HADHA: variants seen among roughly 807,000 people sequenced by gnomAD.
HADHA encodes the protein hydroxyacyl-CoA dehydrogenase trifunctional multienzyme complex subunit alpha.
A neutral mutation model predicts 91.3 loss-of-function variants in HADHA; 59 were observed. The observed-to-expected ratio is 0.65, with a 90% confidence interval of 0.52 to 0.80. The LOEUF (loss-of-function observed/expected upper bound fraction) is 0.80, where lower values mean the gene tolerates loss of function less well. Ranked by LOEUF, HADHA falls within the 30% of genes least tolerant of loss-of-function variation. HADHA has a pLI of 0.00. For synonymous variants in HADHA, 320 were observed against 338.9 expected, an observed-to-expected ratio of 0.94 and a Z score of 0.61; for missense variants, 800 against 927.6, an observed-to-expected ratio of 0.86 and a Z score of 1.79.
intron 1 of HADHA, among the ~76,000 whole-genome samples, chr2:26,242,946 T>G (rs1426316996): frequency 6.6e-6 from 1 of 152,046 alleles, no homozygotes; most frequent in Non-Finnish European, 1.5e-5. Flanking sequence ...AGAGACGGGG[T>G]TTCACCGTGT....
intron 12 of HADHA, among the ~76,000 whole-genome samples, chr2:26,202,557 A>G (rs898476100): frequency 6.6e-6 from 1 of 152,206 alleles, no homozygotes; most frequent in Admixed American, 6.5e-5. Flanking sequence ...CCTAACCAAC[A>G]TGGTGAAATC....
In HADHA at chr2:26,191,592, T is replaced by C. The variant is rs1231960929; in HGVS notation, c.2037A>G (p.Thr679=). The change falls in exon 19 of 20, where the codon ACA becomes ACG. Residue 679 remains threonine (T), a synonymous_variant. Transcript: ENST00000380649. ...ACATGACTGCCTCATTCACAAATCTTGTCACCAGGCGGAACTGGATGTCTT... is the reference window on the plus strand; with the variant it reads ...ACATGACTGCCTCATTCACAAATCTCGTCACCAGGCGGAACTGGATGTCTT... The part of the protein sequence containing the change: ...SDEDIQFRLV[T]RFVNEAVMCL... The C allele has an allele frequency of 1.9e-6, 3 of 1,613,990 alleles. No homozygotes were observed. The highest frequency in any genetic ancestry group is 2.5e-6 in the Non-Finnish European group (3 of 1,179,988).
chr2:26,197,133 G>A (rs1202981589), intron 14 of HADHA, among the ~76,000 whole-genome samples: 4 of 152,206 alleles, frequency 2.6e-5, no homozygotes, highest in African/African-American at 9.6e-5. Flanking sequence ...AGAGAAGTGA[G>A]TTGTTTTACT....
intron 17 of HADHA, among the ~76,000 whole-genome samples, chr2:26,193,292 TC>T (rs1465936166): frequency 1.1e-5 from 1 of 93,716 alleles, no homozygotes; most frequent in Non-Finnish European, 2.1e-5. Context: ...TCACATGACA[TC>T]TTTTTTTTTT....
intron 11 of HADHA, among the ~76,000 whole-genome samples, chr2:26,204,951 T>C (rs1669937606): frequency 1.3e-5 from 2 of 152,206 alleles, no homozygotes; most frequent in Admixed American, 6.5e-5. Flanking sequence ...GTCTCCTCCA[T>C]GGTCTCTTTG....
intron 7 of HADHA, among the ~76,000 whole-genome samples, chr2:26,223,994 G>A (rs1385598807): frequency 2.0e-5 from 3 of 152,164 alleles, no homozygotes; most frequent in Admixed American, 6.5e-5. Flanking sequence ...TGATCTGCCC[G>A]CCTTGGCCTC....
intron 14 of HADHA, among the ~76,000 whole-genome samples, 154 bp downstream of exon 14, chr2:26,197,537 T>C (rs940304771): frequency 6.6e-6 from 1 of 152,226 alleles, no homozygotes; most frequent in African/African-American, 2.4e-5. Context: ...CATCTCACAC[T>C]AGTCATGGTA....
Position 26,215,073 on chromosome 2 carries a change from C to A in HADHA, c.779G>T (p.Arg260Ile). The A allele has an allele frequency of 1.2e-6, 2 of 1,610,732 alleles. No individual in the cohort carries two copies. The highest frequency in any genetic ancestry group is 2.2e-5 in the South Asian group (2 of 91,004). Residue 260 changes from arginine to isoleucine, a missense_variant, in exon 8 of 20, where the codon AGA becomes ATA. By Grantham distance (97) the Arg-to-Ile change is moderately conservative. Coordinates refer to ENST00000380649, the MANE Select transcript of HADHA (RefSeq NM_000182.5). ...GLADKKISPK[R>I]DKGLVEKLTA... ...CTCACTTTCCACCAATCCCTTGTCT[C>A]TCTTTGGAGAGATCTTCTTATCAGC...
intron 7 of HADHA, among the ~76,000 whole-genome samples, chr2:26,222,847 C>T (rs1670404975): frequency 6.6e-6 from 1 of 152,162 alleles, no homozygotes; most frequent in Non-Finnish European, 1.5e-5. Flanking sequence ...GGATGGACTA[C>T]TGAAGACTCC....
intron 7 of HADHA, among the ~76,000 whole-genome samples, chr2:26,228,671 T>C (rs912636867): frequency 2.6e-5 from 4 of 151,964 alleles, no homozygotes; most frequent in African/African-American, 9.7e-5. Context: ...ACCAGAAATG[T>C]TTAAAAATTT....
intron 9 of HADHA, among the ~76,000 whole-genome samples, chr2:26,213,745 T>C (rs1238826982): frequency 6.6e-6 from 1 of 152,168 alleles, no homozygotes; most frequent in Non-Finnish European, 1.5e-5. Context: ...CCTTAACACA[T>C]ATATATATCT....
chr2:26,243,552 A>AAAAAAAAAAATATG (rs1670975061), intron 1 of HADHA, among the ~76,000 whole-genome samples: 1 of 152,238 alleles, frequency 6.6e-6, no homozygotes, highest in Non-Finnish European at 1.5e-5. Flanking sequence ...AATCATTAAA[A>AAAAAAAAAAATATG]AAATCCCCTT....
intron 5 of HADHA, among the ~76,000 whole-genome samples, chr2:26,233,578 A>C (rs907731471): frequency 2.0e-5 from 3 of 152,178 alleles, no homozygotes; most frequent in African/African-American, 7.2e-5. Context: ...ATTATGCTTT[A>C]TGTGTCTCAA....
chr2:26,238,552 G>C (rs1394078949), intron 3 of HADHA, among the ~76,000 whole-genome samples: 1 of 152,224 alleles, frequency 6.6e-6, no homozygotes, highest in Non-Finnish European at 1.5e-5. Context: ...AACTTACTAT[G>C]AATAGTGACT....
intron 4 of HADHA, among the ~76,000 whole-genome samples, chr2:26,236,101 GCTTTT>G (rs1365814040): frequency 1.1e-4 from 16 of 152,074 alleles, no homozygotes; most frequent in Admixed American, 5.9e-4. Context: ...TCTGCAATTT[GCTTTT>G]CTTTTAACTT....
rs778950771 is a variant in HADHA, at chr2:26,214,431, G to A, written c.918+12C>T. The A allele has an allele frequency of 3.3e-6, 4 of 1,209,100 alleles. No homozygotes were observed. Among genetic ancestry groups the A allele is most frequent in the Non-Finnish European group, 4.9e-6 (4 of 811,696 alleles). 74.9% of individuals were successfully genotyped at this position (1,209,100 alleles called of 1,614,324 possible). On this transcript the variant is annotated intron_variant, in intron 9 of 19. Transcript: ENST00000380649. The surrounding 1 kb of genome is among the most constrained non-coding windows in gnomAD (Gnocchi z 4.1). ...AAATATGAGAAAAGTGGGAATATTG[G>A]GTAAGACTCACATCAATTATTTTCA...
chr2:26,197,244 C>T (rs1669700340), intron 14 of HADHA, among the ~76,000 whole-genome samples: 2 of 152,254 alleles, frequency 1.3e-5, no homozygotes, highest in Admixed American at 1.3e-4. Context: ...CTTCTATACC[C>T]AGCCCTTTCA....
At chr2:26,201,697 A>C (rs1397174403) in intron 12 of HADHA, among the ~76,000 whole-genome samples, 1 of 152,258 alleles carries the variant, frequency 6.6e-6, no homozygotes, top group Admixed American at 6.5e-5. Flanking sequence ...TCTACCTATG[A>C]CAGGGGAAGC....
At chr2:26,230,524 C>G (rs986389683) in intron 6 of HADHA, among the ~76,000 whole-genome samples, 1 of 152,092 alleles carries the variant, frequency 6.6e-6, no homozygotes, top group Non-Finnish European at 1.5e-5. Context: ...TCTCTTAATT[C>G]AATATATAGG....
Sources: allele counts gnomAD v4.1 joint callset (sites outside exome capture counted in the v4.1 genomes callset), GRCh38; gene constraint gnomAD v4.1.1; non-coding constraint Gnocchi (gnomAD v3.1); transcripts MANE v1.5; gene names NCBI Gene and HGNC (gene_info 2026-07-23, HGNC 2026-07-21).